The following LRRC37A2 variants were observed in gnomAD, a reference collection of about 807,000 sequenced individuals.
The protein encoded by LRRC37A2 is leucine rich repeat containing 37 member A2.
LRRC37A2 carries 9 observed loss-of-function variants against 68.8 expected under a neutral mutation model. The ratio of observed to expected loss-of-function variants is 0.13; its 90% CI spans 0.08 to 0.23. The LOEUF (loss-of-function observed/expected upper bound fraction) is 0.23. LRRC37A2 is among the 10% of genes least tolerant of loss of function. The pLI is 1.00. For synonymous variants in LRRC37A2, 63 were observed against 367.6 expected (o/e 0.17, Z 9.48); for missense variants, 168 against 950.4 (o/e 0.18, Z 10.82).
chr17:46,948,756 T>C, the LRRC37A2 span: 28 of 152,172 alleles, frequency 1.8e-4, no homozygotes, highest in Admixed American at 1.2e-3. Context: ...ACTGTGGATG[T>C]GGGGCAGCCT....
the LRRC37A2 span, among the ~76,000 whole-genome samples, chr17:46,803,304 C>G: frequency 6.6e-6 from 1 of 152,244 alleles, no homozygotes; most frequent in African/African-American, 2.4e-5. Flanking sequence ...GAGGCCCAGA[C>G]AGGCAGATCA....
At chr17:46,798,442 T>C in the LRRC37A2 span, among the ~76,000 whole-genome samples, 1 of 152,244 alleles carries the variant, frequency 6.6e-6, no homozygotes, top group Non-Finnish European at 1.5e-5. Flanking sequence ...TCAAGTATTA[T>C]GTAATAAAAA....
At chr17:46,779,053 T>TCACACACACACACACA in the LRRC37A2 span, among the ~76,000 whole-genome samples, 4,385 of 100,426 alleles carry the variant, frequency 0.044, 217 homozygotes, top group Non-Finnish European at 0.05. Flanking sequence ...CCCTACCCCA[T>TCACACACACACACACA]CACACACACA....
At chr17:47,048,414 T>G in the LRRC37A2 span, among the ~76,000 whole-genome samples, 1 of 146,458 alleles carries the variant, frequency 6.8e-6, no homozygotes, top group African/African-American at 2.5e-5. Context: ...AAAAGTTGCT[T>G]TTTCCCTTCT....
the LRRC37A2 span, among the ~76,000 whole-genome samples, chr17:46,389,921 C>A: frequency 7.1e-6 from 1 of 140,622 alleles, no homozygotes; most frequent in Non-Finnish European, 1.6e-5. Flanking sequence ...GCACTAGATA[C>A]AAAGGAAAAA....
chr17:47,016,028 T>A, the LRRC37A2 span, among the ~76,000 whole-genome samples: 1 of 152,302 alleles, frequency 6.6e-6, no homozygotes, highest in East Asian at 1.9e-4. Context: ...CACTGCAACC[T>A]CTGCCTCCCA....
the LRRC37A2 span, chr17:46,722,152 C>G: frequency 6.2e-7 from 1 of 1,611,636 alleles, no homozygotes; most frequent in African/African-American, 1.3e-5. Context: ...ACGATCTTGG[C>G]GCTCGAACTG....
chr17:47,043,166 T>A, the LRRC37A2 span, among the ~76,000 whole-genome samples: 14 of 151,808 alleles, frequency 9.2e-5, no homozygotes, highest in East Asian at 2.5e-3. Flanking sequence ...TCTTCCTGTT[T>A]CTTTTATTTT....
At chr17:46,872,843 G>C in the LRRC37A2 span, 5 of 1,488,156 alleles carry the variant, frequency 3.4e-6, no homozygotes, top group African/African-American at 2.8e-5. Flanking sequence ...GGCTGGGAGA[G>C]GCTGCCCTTT....
the LRRC37A2 span, among the ~76,000 whole-genome samples, chr17:46,389,137 G>A: frequency 2.5e-4 from 37 of 146,244 alleles, 1 homozygote; most frequent in Non-Finnish European, 4.4e-4. Context: ...GGAGATTGCC[G>A]TAAGCCAAGA....
the LRRC37A2 span, among the ~76,000 whole-genome samples, chr17:46,989,180 G>A: frequency 6.6e-6 from 1 of 152,210 alleles, no homozygotes; most frequent in Non-Finnish European, 1.5e-5. Context: ...TGCCTTTCCG[G>A]TGAAGGACAG....
chr17:46,737,676 A>G, the LRRC37A2 span, among the ~76,000 whole-genome samples: 1 of 151,986 alleles, frequency 6.6e-6, no homozygotes, highest in Non-Finnish European at 1.5e-5. Context: ...TGAAAACATG[A>G]TGCATAGAGT....
the LRRC37A2 span, among the ~76,000 whole-genome samples, chr17:46,810,004 C>CTTTTTTTTT: frequency 7.1e-5 from 9 of 126,360 alleles, no homozygotes; most frequent in Non-Finnish European, 9.9e-5. Flanking sequence ...TTCTTTCTTT[C>CTTTTTTTTT]TTTTTTTTTT....
At chr17:46,759,314 G>A in the LRRC37A2 span, among the ~76,000 whole-genome samples, 5 of 152,330 alleles carry the variant, frequency 3.3e-5, no homozygotes, top group East Asian at 3.9e-4. Context: ...CTGGCAAGCC[G>A]TACTGAGACT....
At chr17:47,009,595 C>T in the LRRC37A2 span, among the ~76,000 whole-genome samples, 1 of 152,230 alleles carries the variant, frequency 6.6e-6, no homozygotes, top group Non-Finnish European at 1.5e-5. Flanking sequence ...CCAGGACTCT[C>T]ACTCTACAGA....
At chr17:46,946,282 C>CAAAAAAAAAAAAAAAAAA in the LRRC37A2 span, among the ~76,000 whole-genome samples, 1 of 126,686 alleles carries the variant, frequency 7.9e-6, no homozygotes, top group Non-Finnish European at 1.6e-5. Context: ...CTAAAAATAC[C>CAAAAAAAAAAAAAAAAAA]AAAAAAAAAA....
the LRRC37A2 span, among the ~76,000 whole-genome samples, chr17:46,759,467 C>G: frequency 6.6e-6 from 1 of 152,216 alleles, no homozygotes; most frequent in Non-Finnish European, 1.5e-5. Context: ...GAAATTTTCC[C>G]AGCGTAGACG....
the LRRC37A2 span, among the ~76,000 whole-genome samples, chr17:46,829,418 C>T: frequency 1.3e-5 from 2 of 152,232 alleles, no homozygotes. Context: ...GATCTACCCG[C>T]CTCAGCCTCC....
the LRRC37A2 span, among the ~76,000 whole-genome samples, chr17:46,979,837 GAA>G: frequency 1.3e-5 from 2 of 150,136 alleles, no homozygotes; most frequent in African/African-American, 4.9e-5. Context: ...GACTAGTTTA[GAA>G]AACATGAATT....
Sources: gnomAD v4.1 joint callset for allele counts (sites outside exome capture counted in the v4.1 genomes callset) on GRCh38, gnomAD v4.1.1 for gene constraint, MANE v1.5 for transcripts, NCBI Gene and HGNC (gene_info 2026-07-23, HGNC 2026-07-21) for gene names.